MARCHF1: variants seen among roughly 807,000 people sequenced by gnomAD.
MARCHF1 encodes the protein membrane associated ring-CH-type finger 1.
Under a neutral mutation model 54.2 loss-of-function variants are expected in MARCHF1, and 40 were observed. The ratio of observed to expected loss-of-function variants is 0.74; its 90% CI spans 0.57 to 0.96. The LOEUF (loss-of-function observed/expected upper bound fraction) is 0.96, where lower values mean the gene tolerates loss of function less well. Ranked by LOEUF, MARCHF1 falls within the 40% of genes least tolerant of loss-of-function variation. MARCHF1 has a pLI of 0.00. For synonymous variants in MARCHF1, 236 were observed against 236.3 expected (o/e 1.00, Z 0.01); for missense variants, 586 against 656.5 (o/e 0.89, Z 1.17).
intron 1 of MARCHF1, among the ~76,000 whole-genome samples, chr4:164,248,295 G>C (rs969475262): frequency 3.3e-5 from 5 of 152,002 alleles, no homozygotes; most frequent in Non-Finnish European, 7.4e-5. Flanking sequence ...TCTTTTAGCA[G>C]TTGAATTTAA....
chr4:163,569,119 G>A (rs1739746091), intron 8 of MARCHF1, among the ~76,000 whole-genome samples: 1 of 152,100 alleles, frequency 6.6e-6, no homozygotes, highest in African/African-American at 2.4e-5. Context: ...AAGGTGGAGG[G>A]TTGATGCTGC....
chr4:164,094,700 T>A (rs1755371196), intron 2 of MARCHF1, among the ~76,000 whole-genome samples: 2 of 152,102 alleles, frequency 1.3e-5, no homozygotes, highest in African/African-American at 4.8e-5. Flanking sequence ...CAAAGCAAAC[T>A]TCAGGAAAAT....
intron 3 of MARCHF1, among the ~76,000 whole-genome samples, chr4:163,935,624 A>G (rs529676687): frequency 4.6e-5 from 7 of 151,914 alleles, no homozygotes; most frequent in Non-Finnish European, 8.8e-5. Flanking sequence ...ACTTAAGAGA[A>G]TGTTGTAGAT....
At chr4:163,592,864 A>G (rs1413609302) in intron 7 of MARCHF1, among the ~76,000 whole-genome samples, 2 of 152,088 alleles carry the variant, frequency 1.3e-5, no homozygotes, top group Non-Finnish European at 2.9e-5. Flanking sequence ...CTCTTGAAAC[A>G]CATTAAGATT....
At chr4:163,931,785 A>G (rs907622130) in intron 3 of MARCHF1, among the ~76,000 whole-genome samples, 2 of 152,210 alleles carry the variant, frequency 1.3e-5, no homozygotes, top group African/African-American at 4.8e-5. Context: ...CCAAGAAGAC[A>G]CACTTGCAAA....
chr4:163,852,168 AG>A, intron 4 of MARCHF1, among the ~76,000 whole-genome samples: 1 of 152,316 alleles, frequency 6.6e-6, no homozygotes, highest in East Asian at 1.9e-4. Flanking sequence ...TGTTTTGAGA[AG>A]TCCCATTCCT....
intron 5 of MARCHF1, among the ~76,000 whole-genome samples, chr4:163,636,209 AC>A: frequency 6.6e-6 from 1 of 151,880 alleles, no homozygotes; most frequent in Non-Finnish European, 1.5e-5. Flanking sequence ...CTCTCTCACC[AC>A]CCCTATTCAA....
chr4:164,189,414 G>T, intron 1 of MARCHF1: 1 of 680,210 alleles, frequency 1.5e-6, no homozygotes, highest in South Asian at 1.7e-5. Context: ...AGAAAGTGTT[G>T]GAAAATTCTG....
At chr4:164,372,495 G>A (rs1396633616) in intron 1 of MARCHF1, among the ~76,000 whole-genome samples, 1 of 152,028 alleles carries the variant, frequency 6.6e-6, no homozygotes, top group Non-Finnish European at 1.5e-5. Flanking sequence ...GAGAATTGAA[G>A]GGGAGCATCC....
intron 1 of MARCHF1, among the ~76,000 whole-genome samples, chr4:164,262,624 A>C (rs190206253): frequency 6.6e-6 from 1 of 152,320 alleles, no homozygotes; most frequent in East Asian, 1.9e-4. Context: ...AGAAATGCTC[A>C]AGTGATGGGC....
chr4:163,929,441 T>A (rs1309502274), intron 3 of MARCHF1, among the ~76,000 whole-genome samples: 6 of 152,058 alleles, frequency 3.9e-5, no homozygotes, highest in Non-Finnish European at 7.4e-5. Flanking sequence ...TCATATATAT[T>A]TATCCTTTTC....
intron 1 of MARCHF1, among the ~76,000 whole-genome samples, chr4:164,265,458 T>G (rs1579673726): frequency 2.1e-5 from 3 of 145,836 alleles, no homozygotes; most frequent in African/African-American, 8.0e-5. Context: ...ACCTGGCTAA[T>G]AGTAGGCACC....
intron 1 of MARCHF1, among the ~76,000 whole-genome samples, chr4:164,216,513 A>G (rs1023083155): frequency 1.3e-5 from 2 of 152,216 alleles, no homozygotes; most frequent in African/African-American, 4.8e-5. Flanking sequence ...TTGAAAAAAT[A>G]GTTCTATGTG....
chr4:164,109,556 G>T (rs1287618372), intron 2 of MARCHF1, among the ~76,000 whole-genome samples: 1 of 151,566 alleles, frequency 6.6e-6, no homozygotes, highest in East Asian at 1.9e-4. Flanking sequence ...TCAGAGACAT[G>T]ATTACTGAAA....
At chr4:163,617,115 G>A (rs1378691440) in intron 5 of MARCHF1, among the ~76,000 whole-genome samples, 1 of 152,144 alleles carries the variant, frequency 6.6e-6, no homozygotes, top group Non-Finnish European at 1.5e-5. Context: ...CAACATAGAT[G>A]AGCCTGGGAG....
At chr4:164,312,831 G>C (rs1373116090) in intron 1 of MARCHF1, among the ~76,000 whole-genome samples, 1 of 152,028 alleles carries the variant, frequency 6.6e-6, no homozygotes, top group Non-Finnish European at 1.5e-5. Context: ...TTTTACACAA[G>C]AAAAGTAGTA....
chr4:163,790,037 A>T (rs1243645581), intron 4 of MARCHF1, among the ~76,000 whole-genome samples: 1 of 152,114 alleles, frequency 6.6e-6, no homozygotes, highest in Non-Finnish European at 1.5e-5. Flanking sequence ...AATAGCTAAG[A>T]TCAGGATAAT....
At chr4:164,274,652 G>A (rs1733825774) in intron 1 of MARCHF1, among the ~76,000 whole-genome samples, 1 of 126,718 alleles carries the variant, frequency 7.9e-6, no homozygotes, top group South Asian at 2.4e-4. Context: ...GTGTGCTTCA[G>A]GGTACACTTT....
At chr4:163,754,433 C>A (rs1746607432) in intron 4 of MARCHF1, among the ~76,000 whole-genome samples, 2 of 152,128 alleles carry the variant, frequency 1.3e-5, no homozygotes, top group South Asian at 4.1e-4. Context: ...ATACCTATTA[C>A]ATAGGGTGAA....
Sources: gnomAD v4.1 joint callset for allele counts (sites outside exome capture counted in the v4.1 genomes callset) on GRCh38, gnomAD v4.1.1 for gene constraint, MANE v1.5 for transcripts, NCBI Gene and HGNC (gene_info 2026-07-23, HGNC 2026-07-21) for gene names.